PID1: variants seen among roughly 807,000 people sequenced by gnomAD.
PID1 encodes the protein phosphotyrosine interaction domain containing 1, also known as PTB-containing, cubilin and LRP1-interacting protein.
In PID1, 10 loss-of-function variants were observed where a neutral mutation model predicts 19.1. The ratio of observed to expected loss-of-function variants is 0.52; its 90% CI spans 0.32 to 0.89. The LOEUF (loss-of-function observed/expected upper bound fraction) is 0.89. Among genes scored for constraint, PID1 ranks in the 40% least tolerant of loss-of-function variants. The pLI is 0.03. For missense variants in PID1, 248 were observed against 285.3 expected, an observed-to-expected ratio of 0.87 and a Z score of 0.94; for synonymous variants, 130 against 116.0, an observed-to-expected ratio of 1.12 and a Z score of -0.78.
At chr2:229,073,276 C>T (rs1419425421) in intron 2 of PID1, among the ~76,000 whole-genome samples, 7 of 152,180 alleles carry the variant, frequency 4.6e-5, no homozygotes, top group African/African-American at 1.7e-4. Flanking sequence ...CCGCCTGACT[C>T]GGCCTCCCAA....
At chr2:229,224,899 G>A (rs1248136365) in intron 1 of PID1, among the ~76,000 whole-genome samples, 1 of 151,570 alleles carries the variant, frequency 6.6e-6, no homozygotes, top group African/African-American at 2.4e-5. Context: ...AAGTCATTTG[G>A]CCTGAACCTT....
chr2:229,102,030 A>C (rs1695083697), intron 2 of PID1, among the ~76,000 whole-genome samples: 1 of 152,154 alleles, frequency 6.6e-6, no homozygotes, highest in Non-Finnish European at 1.5e-5. Flanking sequence ...GTGTTGCAGC[A>C]TGAGAAACAT....
At chr2:229,137,127 A>G (rs1689872409) in intron 2 of PID1, among the ~76,000 whole-genome samples, 1 of 152,212 alleles carries the variant, frequency 6.6e-6, no homozygotes, top group African/African-American at 2.4e-5. Flanking sequence ...TTTAATCACA[A>G]AATCTCTGCA....
intron 2 of PID1, among the ~76,000 whole-genome samples, chr2:229,090,731 G>A (rs1694855589): frequency 6.6e-6 from 1 of 152,196 alleles, no homozygotes; most frequent in South Asian, 2.1e-4. Context: ...CAAGAAATGA[G>A]AGAAAAATAC....
chr2:229,113,321 C>T (rs1695335775), intron 2 of PID1, among the ~76,000 whole-genome samples: 1 of 150,730 alleles, frequency 6.6e-6, no homozygotes, highest in African/African-American at 2.4e-5. Flanking sequence ...GTAACCATCA[C>T]AGTAACTTAA....
At chr2:229,198,705 T>A (rs1236273190) in intron 1 of PID1, among the ~76,000 whole-genome samples, 2 of 152,064 alleles carry the variant, frequency 1.3e-5, no homozygotes, top group African/African-American at 4.8e-5. Context: ...CTCTGAGAGT[T>A]TACACCTTAC....
intron 2 of PID1, among the ~76,000 whole-genome samples, chr2:229,051,634 T>G (rs955536510): frequency 1.3e-5 from 2 of 152,162 alleles, no homozygotes; most frequent in Admixed American, 1.3e-4. Flanking sequence ...CACCACACCA[T>G]GGACTTTTTA....
chr2:229,091,676 T>G (rs1171571060), intron 2 of PID1, among the ~76,000 whole-genome samples: 3 of 152,140 alleles, frequency 2.0e-5, no homozygotes, highest in Non-Finnish European at 4.4e-5. Flanking sequence ...TCCAGAAAGG[T>G]GAGAAATACA....
At chr2:229,116,297 T>C (rs1259836266) in intron 2 of PID1, among the ~76,000 whole-genome samples, 2 of 152,166 alleles carry the variant, frequency 1.3e-5, no homozygotes, top group Non-Finnish European at 2.9e-5. Context: ...ATTTAGTTAT[T>C]AGGACAAAAT....
chr2:229,045,170 T>A (rs1286395670), intron 2 of PID1, among the ~76,000 whole-genome samples: 2 of 152,198 alleles, frequency 1.3e-5, no homozygotes, highest in African/African-American at 4.8e-5. Flanking sequence ...GCCAGGCTAG[T>A]GTCCAACTCC....
At chr2:229,044,415 C>T (rs1693833812) in intron 2 of PID1, among the ~76,000 whole-genome samples, 5 of 151,982 alleles carry the variant, frequency 3.3e-5, no homozygotes, top group Admixed American at 2.6e-4. Flanking sequence ...CCACCTGGCC[C>T]CTCTCCCCTG....
At chr2:229,127,658 C>T (rs1378277530) in intron 2 of PID1, among the ~76,000 whole-genome samples, 2 of 152,132 alleles carry the variant, frequency 1.3e-5, no homozygotes, top group Admixed American at 6.5e-5. Context: ...ACAGTGGCAT[C>T]CCCGGCCTCC....
chr2:229,105,716 G>C (rs926326702), intron 2 of PID1, among the ~76,000 whole-genome samples: 24 of 152,188 alleles, frequency 1.6e-4, no homozygotes, highest in African/African-American at 4.8e-4. Flanking sequence ...CCCAGTTACA[G>C]ATGAGGAAAC....
chr2:229,163,161 T>G (rs1291046058), intron 1 of PID1, among the ~76,000 whole-genome samples: 1 of 152,176 alleles, frequency 6.6e-6, no homozygotes, highest in East Asian at 1.9e-4. Context: ...TTGACCCTTT[T>G]TTAATGCAAA....
At chr2:229,153,600 C>T (rs1288990410) in intron 2 of PID1, among the ~76,000 whole-genome samples, 1 of 151,944 alleles carries the variant, frequency 6.6e-6, no homozygotes, top group Admixed American at 6.6e-5. Context: ...TTTTTTTCAA[C>T]GTCCTTTTAA....
At chr2:229,039,314 G>A (rs961772944) in intron 2 of PID1, among the ~76,000 whole-genome samples, 6 of 152,132 alleles carry the variant, frequency 3.9e-5, no homozygotes, top group Non-Finnish European at 8.8e-5. Flanking sequence ...TTGAAATTCT[G>A]TGTGGAAAAT....
chr2:229,074,802 A>G (rs1040289889), intron 2 of PID1, among the ~76,000 whole-genome samples: 2 of 152,330 alleles, frequency 1.3e-5, no homozygotes, highest in African/African-American at 4.8e-5. Context: ...AACGGCCTAT[A>G]AATTGATGGC....
At chr2:229,031,078 T>G (rs1490064059) in intron 2 of PID1, among the ~76,000 whole-genome samples, 1 of 150,962 alleles carries the variant, frequency 6.6e-6, no homozygotes, top group East Asian at 2.0e-4. Context: ...TAGCCGGGTG[T>G]GGTGGCAGAC....
At chr2:229,126,192 G>C (rs1016445799) in intron 2 of PID1, among the ~76,000 whole-genome samples, 5 of 152,152 alleles carry the variant, frequency 3.3e-5, no homozygotes, top group African/African-American at 1.2e-4. Flanking sequence ...TTCATTAAAA[G>C]ATGCTCCTGC....
Sources: allele counts gnomAD v4.1 joint callset (sites outside exome capture counted in the v4.1 genomes callset), GRCh38; gene constraint gnomAD v4.1.1; transcripts MANE v1.5; gene names NCBI Gene and HGNC (gene_info 2026-07-23, HGNC 2026-07-21).